Variants in RPH3AL observed in about 807,000 individuals in gnomAD.
RPH3AL encodes the protein rabphilin 3A like (without C2 domains).
A neutral mutation model predicts 43.1 loss-of-function variants in RPH3AL; 38 were observed. That is an observed-to-expected ratio of 0.88 (90% CI 0.68 to 1.15). The LOEUF (loss-of-function observed/expected upper bound fraction) is 1.15. RPH3AL is among the 50% of genes most tolerant of loss of function. The pLI is 0.00. For missense variants in RPH3AL, 462 were observed against 423.2 expected, an observed-to-expected ratio of 1.09 and a Z score of -0.81; for synonymous variants, 189 against 176.3, an observed-to-expected ratio of 1.07 and a Z score of -0.57.
Position 283,829 on chromosome 17 carries a change from C to A in RPH3AL, c.352-1975G>T, listed in dbSNP as rs1218679654. Among the ~76,000 whole-genome samples the A allele has an allele frequency of 6.6e-6, 1 of 152,186 alleles. No homozygotes were observed. Among genetic ancestry groups the A allele is most frequent in the East Asian group, 1.9e-4 (1 of 5,194 alleles). On this transcript the variant is annotated intron_variant, in intron 5 of 9. Transcript: ENST00000331302. The surrounding 1 kb of genome is among the most constrained non-coding windows in gnomAD (Gnocchi z 4.2). Reference sequence around the variant, plus strand: ...CTCTCCCCTTCCCCAAGAGAGCAGCCTCTCTCCACCTCTTCCACCCTTCGC... The same window carrying A: ...CTCTCCCCTTCCCCAAGAGAGCAGCATCTCTCCACCTCTTCCACCCTTCGC...
intron 5 of RPH3AL, among the ~76,000 whole-genome samples, chr17:307,187 GCGGCAGGTCCTCCCCA>G (rs2043512120): frequency 9.4e-6 from 1 of 106,750 alleles, no homozygotes; most frequent in Admixed American, 9.6e-5. Flanking sequence ...GATCCTCCCC[GCGGCAGGTCCTCCCCA>G]CGGCAGGTCC....
At chr17:259,244 GCA>G (rs1555545502) in intron 6 of RPH3AL, among the ~76,000 whole-genome samples, 2 of 152,224 alleles carry the variant, frequency 1.3e-5, no homozygotes, top group African/African-American at 4.8e-5. Flanking sequence ...GGGGACCACA[GCA>G]CACAGGTGTA....
chr17:314,480 T>A (rs1008667007), intron 5 of RPH3AL, among the ~76,000 whole-genome samples: 2 of 140,516 alleles, frequency 1.4e-5, no homozygotes, highest in African/African-American at 5.4e-5. Flanking sequence ...CCCACCTCCA[T>A]TGACCTGTAG....
At chr17:269,518 G>A (rs546107035) in intron 6 of RPH3AL, among the ~76,000 whole-genome samples, 2 of 152,304 alleles carry the variant, frequency 1.3e-5, no homozygotes, top group Admixed American at 1.3e-4. Flanking sequence ...AGTGATTCAA[G>A]AATAGAGCTG....
intron 6 of RPH3AL, among the ~76,000 whole-genome samples, chr17:275,497 C>T (rs139186275): frequency 2.6e-4 from 39 of 152,160 alleles, no homozygotes; most frequent in African/African-American, 7.0e-4. Context: ...AGTGGGGTAA[C>T]GACTCCAGTG....
intron 7 of RPH3AL, among the ~76,000 whole-genome samples, chr17:235,702 GGGTTCAAAGCTGGGGT>G (rs2041365803): frequency 9.6e-6 from 1 of 103,904 alleles, no homozygotes; most frequent in African/African-American, 3.6e-5. Flanking sequence ...GACAGGTCCC[GGGTTCAAAGCTGGGGT>G]CAGCGGAGGT....
At chr17:273,971 C>G (rs984798032) in intron 6 of RPH3AL, among the ~76,000 whole-genome samples, 1 of 152,178 alleles carries the variant, frequency 6.6e-6, no homozygotes, top group Non-Finnish European at 1.5e-5. Flanking sequence ...TCTTATGGCC[C>G]AGGTACGTTT....
At chr17:291,305 C>T (rs867490407) in intron 5 of RPH3AL, among the ~76,000 whole-genome samples, 1 of 152,050 alleles carries the variant, frequency 6.6e-6, no homozygotes, top group Non-Finnish European at 1.5e-5. Flanking sequence ...TTTGGGAGGC[C>T]GAGGTGGGGG....
At chr17:302,934 C>A (rs147114969) in intron 5 of RPH3AL, among the ~76,000 whole-genome samples, 1 of 152,172 alleles carries the variant, frequency 6.6e-6, no homozygotes. Flanking sequence ...AGGTCAGGGG[C>A]GGGAGCTTCG....
At chr17:340,480 C>G (rs1466611350) in intron 1 of RPH3AL, among the ~76,000 whole-genome samples, 1,652 of 9,352 alleles carry the variant, frequency 0.18, 722 homozygotes, top group Middle Eastern at 0.83. Flanking sequence ...TCACTGCCCC[C>G]CACCCAGGCC....
chr17:315,230 A>T (rs1598092647), intron 5 of RPH3AL, among the ~76,000 whole-genome samples: 1 of 71,168 alleles, frequency 1.4e-5, no homozygotes, highest in Admixed American at 2.3e-4. Context: ...CTGTGCCCCC[A>T]CCTTCATTCA....
At chr17:332,976 A>C (rs1296730860) in intron 2 of RPH3AL, 11 of 1,272,724 alleles carry the variant, frequency 8.6e-6, no homozygotes, top group Non-Finnish European at 1.0e-5. Flanking sequence ...TAATTTCCCG[A>C]AAAATTCCTA....
intron 7 of RPH3AL, among the ~76,000 whole-genome samples, chr17:221,576 C>T (rs4890169): frequency 4.3e-5 from 5 of 115,462 alleles, no homozygotes; most frequent in Admixed American, 1.8e-4. Context: ...TAGACCCAAG[C>T]ACATCAGCTC....
At position 328,846 on chromosome 17, in the gene RPH3AL, A is replaced by G. The variant is rs1352433328; in HGVS notation, c.-36-1267T>C. Among the ~76,000 whole-genome samples, 1 of 152,236 alleles carries G rather than the reference A, an allele frequency of 6.6e-6. No individual in the cohort carries two copies. Among genetic ancestry groups the G allele is most frequent in the Non-Finnish European group, 1.5e-5 (1 of 68,048 alleles). ...CTAATACCAGCTACAACATGGATGA[A>G]TCTTTAAAACATCCTAAGTAAGAAA... On this transcript the variant is annotated intron_variant, in intron 2 of 9. Coordinates refer to ENST00000331302, the MANE Select transcript of RPH3AL (RefSeq NM_006987.4). This position sits in a 1 kb window ranked among gnomAD's most constrained non-coding sequence, Gnocchi z 4.2.
In RPH3AL at chr17:215,168, G is replaced by A. The variant is rs917459877; in HGVS notation, c.876+486C>T. On this transcript the variant is annotated intron_variant, in intron 9 of 9. Transcript: ENST00000331302. The surrounding 1 kb of genome is among the most constrained non-coding windows in gnomAD (Gnocchi z 4.1). ...GAGACAGGGCTGATCCTGCACCTGC[G>A]CAGTTTTCTCTGGCTTCAGTTTAAG... 2.6e-5 allele frequency among the ~76,000 whole-genome samples: 4 copies of A among 152,114 alleles called. No homozygotes were observed. Among genetic ancestry groups the A allele is most frequent in the Non-Finnish European group, 5.9e-5 (4 of 67,994 alleles).
chr17:332,952 G>T, intron 2 of RPH3AL: 1 of 1,182,594 alleles, frequency 8.5e-7, no homozygotes, highest in Non-Finnish European at 1.1e-6. Context: ...GAACGGAACA[G>T]GAGTTGCCGG....
At chr17:348,162 G>C (rs1040441524) in intron 1 of RPH3AL, among the ~76,000 whole-genome samples, 4 of 151,926 alleles carry the variant, frequency 2.6e-5, no homozygotes, top group Non-Finnish European at 5.9e-5. Flanking sequence ...TTACTGCAGG[G>C]TTCCAACTAC....
chr17:257,796 C>T (rs782149461), intron 6 of RPH3AL, among the ~76,000 whole-genome samples: 4 of 26,302 alleles, frequency 1.5e-4, no homozygotes, highest in African/African-American at 3.8e-4. Context: ...TGAGGGGAGC[C>T]GCACGGTGTC....
At chr17:286,714 G>A (rs1390673454) in intron 5 of RPH3AL, among the ~76,000 whole-genome samples, 2 of 152,202 alleles carry the variant, frequency 1.3e-5, no homozygotes, top group Non-Finnish European at 2.9e-5. Context: ...CCGGGGCCCA[G>A]GGGTGGCCAC....
Sources: allele counts gnomAD v4.1 joint callset (sites outside exome capture counted in the v4.1 genomes callset), GRCh38; gene constraint gnomAD v4.1.1; non-coding constraint Gnocchi (gnomAD v3.1); transcripts MANE v1.5; gene names NCBI Gene and HGNC (gene_info 2026-07-23, HGNC 2026-07-21).